Variants in NFATC1 observed in about 807,000 individuals in gnomAD.
The protein encoded by NFATC1 is nuclear factor of activated T-cells, cytoplasmic 1.
Under a neutral mutation model 76.0 loss-of-function variants are expected in NFATC1, and 22 were observed. The observed-to-expected ratio is 0.29, with a 90% CI of 0.21 to 0.41. The LOEUF is 0.41. Ranked by LOEUF, NFATC1 falls within the 10% of genes least tolerant of loss-of-function variation. The pLI, the probability that NFATC1 is intolerant of heterozygous loss-of-function variation, is 1.00. For missense variants in NFATC1, 1,357 were observed against 1,337.7 expected, an observed-to-expected ratio of 1.01 and a Z score of -0.23; for synonymous variants, 704 against 613.1, an observed-to-expected ratio of 1.15 and a Z score of -2.19.
intron 1 of NFATC1, 21 bp downstream of exon 1, chr18:79,396,372 G>A: frequency 7.8e-7 from 1 of 1,287,220 alleles, no homozygotes; most frequent in Non-Finnish European, 1.0e-6. Flanking sequence ...CGCGGCCTCC[G>A]CCCCCGGACC....
At chr18:79,469,219 C>T (rs2088674657) in intron 8 of NFATC1, 1 of 523,298 alleles carries the variant, frequency 1.9e-6, no homozygotes, top group Non-Finnish European at 2.5e-6. Flanking sequence ...AATTAAACTT[C>T]AAGCATGGTT....
In NFATC1 at chr18:79,527,766, C is replaced by A. The variant is rs2090808032; in HGVS notation, c.*189C>A. ...GAAGGAAAGCAGGGAGGAAGGGAGA[C>A]CACTGTGTCACCTGGAGGAGAAGTC... is the stretch of plus-strand genomic sequence containing the variant. On this transcript the variant is annotated 3_prime_UTR_variant, in exon 10 of 10. Transcript: ENST00000427363. The A allele has an allele frequency of 1.7e-6, 1 of 605,858 alleles. No homozygotes were observed. Among genetic ancestry groups the A allele is most frequent in the South Asian group, 2.1e-5 (1 of 48,020 alleles). The allele number at this position is 605,858 out of a possible 1,614,324, so 37.5% of individuals were successfully genotyped here.
At chr18:79,523,539 C>T (rs994909946) in intron 9 of NFATC1, among the ~76,000 whole-genome samples, 2 of 152,280 alleles carry the variant, frequency 1.3e-5, no homozygotes, top group Non-Finnish European at 2.9e-5. Flanking sequence ...TGCGTGGCCC[C>T]AGCAAGGGCA....
intron 3 of NFATC1, among the ~76,000 whole-genome samples, chr18:79,436,306 G>A (rs566221067): frequency 3.8e-4 from 58 of 152,344 alleles, no homozygotes; most frequent in African/African-American, 1.3e-3. Context: ...GGGAGCCGTT[G>A]GGAACAACTG....
chr18:79,400,473 GC>G, intron 1 of NFATC1: 1 of 1,484,098 alleles, frequency 6.7e-7, no homozygotes, highest in Non-Finnish European at 9.0e-7. Context: ...CGCCGCGGCC[GC>G]CCCAGGTGGG....
At chr18:79,466,610 T>C (rs990544547) in intron 7 of NFATC1, among the ~76,000 whole-genome samples, 1 of 152,180 alleles carries the variant, frequency 6.6e-6, no homozygotes, top group African/African-American at 2.4e-5. Context: ...GCTGTTACAT[T>C]AAAAACATGA....
intron 2 of NFATC1, 80 bp from the exon 3 acceptor site, chr18:79,433,499 C>T (rs1439862812): frequency 8.4e-6 from 13 of 1,548,656 alleles, no homozygotes; most frequent in Non-Finnish European, 1.1e-5. Context: ...CCCAAGATGG[C>T]GACGGGTGAG....
rs2089506285 is a variant in NFATC1 at position 79,486,624 on chromosome 18, A to G, written c.2469A>G (p.Pro823=). 6.3e-7 allele frequency: 1 copy of G among 1,599,784 alleles called. No individual in the cohort carries two copies. The highest frequency in any genetic ancestry group is 8.5e-7 in the Non-Finnish European group (1 of 1,176,604). Residue 823 remains proline, a synonymous_variant, in exon 9 of 10, where the codon CCA becomes CCG. Transcript: ENST00000427363. ...GGCAGCCACCCCCGGCCCTGCTGCCACAGCAGGTGAGTGCGCCTCCAAGCA... is the reference window on the plus strand; with the variant it reads ...GGCAGCCACCCCCGGCCCTGCTGCCGCAGCAGGTGAGTGCGCCTCCAAGCA... ...SPGQPPPALL[P]QQVSAPPSSS... is the part of the protein sequence containing the mutation.
chr18:79,461,641 A>G (rs976770354), intron 7 of NFATC1, among the ~76,000 whole-genome samples: 2 of 152,172 alleles, frequency 1.3e-5, no homozygotes, highest in South Asian at 4.1e-4. Flanking sequence ...GGGCCACCTC[A>G]CACACCCTGG....
At chr18:79,489,530 C>T (rs1305607767) in intron 9 of NFATC1, among the ~76,000 whole-genome samples, 2 of 152,240 alleles carry the variant, frequency 1.3e-5, no homozygotes, top group Non-Finnish European at 2.9e-5. Flanking sequence ...CGTCGGGACA[C>T]TTGAGGACAA....
intron 3 of NFATC1, among the ~76,000 whole-genome samples, chr18:79,446,394 C>T (rs1258721033): frequency 1.3e-5 from 2 of 152,184 alleles, no homozygotes; most frequent in Non-Finnish European, 2.9e-5. Flanking sequence ...GCCCCTCCCC[C>T]ACCCCCCGAG....
chr18:79,509,640 G>C (rs900778360), intron 9 of NFATC1, among the ~76,000 whole-genome samples: 7 of 152,268 alleles, frequency 4.6e-5, no homozygotes, highest in Admixed American at 4.6e-4. Flanking sequence ...TTAGGTCAGT[G>C]ATCTCCATTA....
chr18:79,399,601 T>A (rs908478770), intron 1 of NFATC1, among the ~76,000 whole-genome samples: 1 of 152,192 alleles, frequency 6.6e-6, no homozygotes, highest in African/African-American at 2.4e-5. Flanking sequence ...TCGGGCCGCC[T>A]AGGGTGGGAC....
chr18:79,406,716 C>G (rs2085451653), intron 1 of NFATC1, among the ~76,000 whole-genome samples: 1 of 152,194 alleles, frequency 6.6e-6, no homozygotes, highest in Non-Finnish European at 1.5e-5. Context: ...GGCGTGGCAC[C>G]TCAACGGGAA....
Position 79,407,369 on chromosome 18 carries a change from T to C in NFATC1, c.128-3034T>C, listed in dbSNP as rs368336505. The stretch of plus-strand genomic sequence containing the variant: ...CCAGAGGCCAGGCTGGAGGCTGGAA[T>C]TGGCGTCAGGATGCCCAGCTCCAGC... On this transcript the variant is annotated intron_variant, in intron 1 of 9. Transcript: ENST00000427363. 1.8e-4 allele frequency among the ~76,000 whole-genome samples: 28 copies of C among 152,308 alleles called. No individual in the cohort carries two copies. The East Asian group carries it at 4.8e-3, about 26-fold the overall frequency.
chr18:79,427,537 G>GTA (rs2086408365), intron 2 of NFATC1, among the ~76,000 whole-genome samples: 5 of 105,496 alleles, frequency 4.7e-5, no homozygotes, highest in Admixed American at 9.2e-5. Flanking sequence ...TGCAGTGGGT[G>GTA]GGGGGAGCTG....
intron 9 of NFATC1, among the ~76,000 whole-genome samples, chr18:79,510,545 C>T (rs899687389): frequency 3.9e-4 from 60 of 152,288 alleles, no homozygotes; most frequent in African/African-American, 1.0e-3. Flanking sequence ...AAAAACTTTT[C>T]GGAGGAACAG....
At position 79,410,260 on chromosome 18, in the gene NFATC1, G is replaced by A. The variant is rs185382914; in HGVS notation, c.128-143G>A. ...AAGTCGCCCGGAGCTGTCCGGCAGC[G>A]TGGTCTCAGGGACGTTTGCTGAGGC... On this transcript the variant is annotated intron_variant, in intron 1 of 9. Coordinates refer to ENST00000427363, the MANE Select transcript of NFATC1 (RefSeq NM_001278669.2). This position sits in a 1 kb window ranked among gnomAD's most constrained non-coding sequence, Gnocchi z 6.7. 1.7e-3 allele frequency: 2,310 copies of A among 1,340,746 alleles called. 2 individuals carry two copies. The highest frequency in any genetic ancestry group is 1.8e-3 in the Non-Finnish European group (1,735 of 981,116). 83.1% of individuals were successfully genotyped at this position (1,340,746 alleles called of 1,614,324 possible). A position where few individuals can be genotyped will look rare whatever the true frequency, so the allele number is the denominator to read the frequency against.
chr18:79,455,264 CTCCGTT>C (rs1303936267), intron 6 of NFATC1, among the ~76,000 whole-genome samples: 2 of 152,232 alleles, frequency 1.3e-5, no homozygotes, highest in Non-Finnish European at 2.9e-5. Context: ...AAGACTCCCA[CTCCGTT>C]TGCCAGCGAT....
Sources: allele counts gnomAD v4.1 joint callset (sites outside exome capture counted in the v4.1 genomes callset), GRCh38; gene constraint gnomAD v4.1.1; non-coding constraint Gnocchi (gnomAD v3.1); transcripts MANE v1.5; gene names NCBI Gene and HGNC (gene_info 2026-07-23, HGNC 2026-07-21).